DNAH2: variants seen among roughly 807,000 people sequenced by gnomAD.
DNAH2 encodes the protein axonemal beta dynein heavy chain 2.
DNAH2 carries 323 observed loss-of-function variants against 523.5 expected under a neutral mutation model. The observed-to-expected ratio is 0.62, with a 90% CI of 0.56 to 0.68. The LOEUF (loss-of-function observed/expected upper bound fraction) is 0.68, where lower values mean the gene tolerates loss of function less well. DNAH2 is among the 30% of genes least tolerant of loss of function. The pLI, the probability that DNAH2 is intolerant of heterozygous loss-of-function variation, is 0.00. For missense variants in DNAH2, 4,907 were observed against 5,701.5 expected, an observed-to-expected ratio of 0.86 and a Z score of 4.49; for synonymous variants, 2,093 against 2,177.4, an observed-to-expected ratio of 0.96 and a Z score of 1.08.
intron 44 of DNAH2, 110 bp downstream of exon 44, chr17:7,788,354 G>T (rs1239962597): frequency 8.2e-6 from 11 of 1,343,856 alleles, no homozygotes; most frequent in African/African-American, 1.5e-5. Flanking sequence ...AGGCTTGAGT[G>T]GAGCAGAGAC....
At chr17:7,761,095 A>G (rs1301832723) in intron 18 of DNAH2, among the ~76,000 whole-genome samples, 163 bp downstream of exon 18, 1 of 152,122 alleles carries the variant, frequency 6.6e-6, no homozygotes, top group African/African-American at 2.4e-5. Context: ...TTTGCTTCTC[A>G]AGGGGTAGAG....
rs2074640619 is a variant in DNAH2 at position 7,722,304 on chromosome 17, C to T, written c.167-1324C>T. ...ACAGGTATGAGCCATCGTGCCCGGC[C>T]CCCAGTCAGCTTTTTACATTAAATT... On this transcript the variant is annotated intron_variant, in intron 2 of 85. Coordinates refer to ENST00000572933, the MANE Select transcript of DNAH2 (RefSeq NM_020877.5). Among the ~76,000 whole-genome samples, 3 of 152,084 alleles carry T rather than the reference C, an allele frequency of 2.0e-5. No homozygotes were observed. The South Asian group carries it at 6.2e-4, about 32-fold the overall frequency.
intron 20 of DNAH2, among the ~76,000 whole-genome samples, chr17:7,764,648 A>G (rs1245802061): frequency 6.6e-6 from 1 of 151,448 alleles, no homozygotes; most frequent in East Asian, 1.9e-4. Flanking sequence ...TTTTGTAGGG[A>G]TGGGGGTCTC....
chr17:7,778,446 C>A lies in DNAH2; in HGVS notation c.5518C>A (p.Arg1840=), dbSNP rs1355768879. 1.2e-6 allele frequency: 2 copies of A among 1,614,056 alleles called. No individual in the cohort carries two copies. Among genetic ancestry groups the A allele is most frequent in the Middle Eastern group, 1.7e-4 (1 of 6,030 alleles). ...SEGLDYKSMG[R]MYSGLAQTGA... is the part of the protein sequence containing the mutation. The stretch of plus-strand genomic sequence containing the variant: ...GGGCCTGGACTACAAGTCCATGGGC[C>A]GAATGTACTCAGGTCTGGCCCAGGT... Residue 1840 remains arginine, a synonymous_variant, in exon 35 of 86, where the codon CGA becomes AGA. Coordinates refer to ENST00000572933, the MANE Select transcript of DNAH2 (RefSeq NM_020877.5).
chr17:7,754,757 G>A lies in DNAH2; in HGVS notation c.1905-2334G>A. 1.0e-6 allele frequency: 1 copy of A among 995,770 alleles called. No homozygotes were observed. The highest frequency in any genetic ancestry group is 1.3e-5 in the South Asian group (1 of 77,574). 61.7% of individuals were successfully genotyped at this position (995,770 alleles called of 1,614,324 possible). A position where few individuals can be genotyped will look rare whatever the true frequency, so the allele number is the denominator to read the frequency against. Reference sequence around the variant, plus strand: ...TCAGGCTGTGCCGGCCCAAGGCCAAGGCCAAGGATCAAACCAAGGCCCAGG... The same window carrying A: ...TCAGGCTGTGCCGGCCCAAGGCCAAAGCCAAGGATCAAACCAAGGCCCAGG... On this transcript the variant is annotated intron_variant, in intron 12 of 85. Coordinates refer to ENST00000572933, the MANE Select transcript of DNAH2 (RefSeq NM_020877.5). This position sits in a 1 kb window ranked among gnomAD's most constrained non-coding sequence, Gnocchi z 4.6.
At position 7,737,031 on chromosome 17, in the gene DNAH2, T is replaced by G; in HGVS notation, c.979-36T>G. On this transcript the variant is annotated intron_variant, in intron 7 of 85. Transcript: ENST00000572933. ...CTTGTGTTGAATCAGTGCTTTCTAG[T>G]GCATAAATCTATTTCTCATCTCTCT... 3 of 1,564,196 alleles carry G rather than the reference T, an allele frequency of 1.9e-6. No individual in the cohort carries two copies. In the African/African-American group the frequency reaches 4.1e-5, roughly 21 times the overall value.
At chr17:7,757,057 G>T in intron 12 of DNAH2, 34 bp from the exon 13 acceptor site, 2 of 1,612,516 alleles carry the variant, frequency 1.2e-6, no homozygotes, top group Non-Finnish European at 1.7e-6. Context: ...CCCCTCGTGC[G>T]GTCCCCTCAC....
In DNAH2 at chr17:7,799,099, C is replaced by T; in HGVS notation, c.8560-4C>T. 6.2e-7 allele frequency: 1 copy of T among 1,614,048 alleles called. No individual in the cohort carries two copies. Among genetic ancestry groups the T allele is most frequent in the Non-Finnish European group, 8.5e-7 (1 of 1,180,020 alleles). On this transcript the variant is annotated splice_region_variant and splice_polypyrimidine_tract_variant and intron_variant, in intron 55 of 85. Transcript: ENST00000572933. Reference sequence around the variant, plus strand: ...CCCTCTGACCCTGGGTGGCTTCTGTCCAGATCCAGTCGCATATCATAGACC... The same window carrying T: ...CCCTCTGACCCTGGGTGGCTTCTGTTCAGATCCAGTCGCATATCATAGACC...
Position 7,807,279 on chromosome 17 carries a change from T to A in DNAH2, c.9572T>A (p.Leu3191Gln), listed in dbSNP as rs1369019248. 1 of 1,613,862 alleles carries A rather than the reference T, an allele frequency of 6.2e-7. No homozygotes were observed. Among genetic ancestry groups the A allele is most frequent in the East Asian group, 2.2e-5 (1 of 44,884 alleles). ...FQPDIIGRVSLAAKSLCMWVR... is the reference protein window; with the variant it reads ...FQPDIIGRVSQAAKSLCMWVR... ...CCTGATATCATCGGCCGCGTCTCCC[T>A]GGCTGCCAAGTCCCTCTGCATGTGG... Residue 3191 changes from leucine (L) to glutamine (Q), a missense_variant, in exon 62 of 86, where the codon CTG (leucine) becomes CAG (glutamine). Transcript: ENST00000572933. This position sits in a 1 kb window ranked among gnomAD's most constrained non-coding sequence, Gnocchi z 5.6.
rs774774306 is a variant in DNAH2 at position 7,768,194 on chromosome 17, C to G, written c.3868C>G (p.Arg1290Gly). 15 of 1,614,162 alleles carry G rather than the reference C, an allele frequency of 9.3e-6. No individual in the cohort carries two copies. Among genetic ancestry groups the G allele is most frequent in the Non-Finnish European group, 1.2e-5 (14 of 1,180,032 alleles). ...DRNWEIIETTRSKIEQFKRTM... is the reference protein window; with the variant it reads ...DRNWEIIETTGSKIEQFKRTM... ...AAACTGGGAAATTATTGAAACCACT[C>G]GCTCAAAAATAGAGCAGTTCAAGAG... Residue 1290 changes from arginine to glycine, a missense_variant, in exon 24 of 86, where the codon CGC becomes GGC. Physicochemically the swap from Arg to Gly is moderately radical, Grantham distance 125 (BLOSUM62 -2). This residue lies in a region of DNAH2 where 2,806 missense variants were observed against 3,190.8 expected (regional missense o/e 0.88). Coordinates refer to ENST00000572933, the MANE Select transcript of DNAH2 (RefSeq NM_020877.5).
At chr17:7,746,964 G>A (rs1476102608) in intron 12 of DNAH2, among the ~76,000 whole-genome samples, 3 of 150,198 alleles carry the variant, frequency 2.0e-5, no homozygotes, top group Non-Finnish European at 4.4e-5. Context: ...TCCAGCCTGG[G>A]CAACAAGAGT....
chr17:7,808,007 G>A (rs144235368), intron 63 of DNAH2, among the ~76,000 whole-genome samples: 10 of 152,244 alleles, frequency 6.6e-5, no homozygotes, highest in Non-Finnish European at 7.4e-5. Flanking sequence ...GTGTGGGGAC[G>A]GGCTCTCCCA....
intron 18 of DNAH2, among the ~76,000 whole-genome samples, chr17:7,761,370 C>T (rs560216295): frequency 3.9e-5 from 6 of 152,222 alleles, no homozygotes; most frequent in East Asian, 3.9e-4. Context: ...TGGGCTCAAG[C>T]GATCCTCCTG....
At position 7,778,365 on chromosome 17, in the gene DNAH2, G is replaced by A. The variant is rs754083186; in HGVS notation, c.5437G>A (p.Val1813Ile). ...GPAGTGKTETVKDLGKALGIY... is the reference protein window; with the variant it reads ...GPAGTGKTETIKDLGKALGIY... ...TGCAGGCACAGGCAAGACCGAGACCGTCAAGGACCTGGGCAAGGCCCTGGG... is the reference window on the plus strand; with the variant it reads ...TGCAGGCACAGGCAAGACCGAGACCATCAAGGACCTGGGCAAGGCCCTGGG... Residue 1813 changes from valine (V) to isoleucine (I), a missense_variant, in exon 35 of 86, where the codon GTC (valine) becomes ATC (isoleucine). This residue lies in a region of DNAH2 where 2,806 missense variants were observed against 3,190.8 expected (regional missense o/e 0.88). Coordinates refer to ENST00000572933, the MANE Select transcript of DNAH2 (RefSeq NM_020877.5). 1.8e-5 allele frequency: 29 copies of A among 1,614,112 alleles called. No individual in the cohort carries two copies. Among genetic ancestry groups the A allele is most frequent in the African/African-American group, 2.7e-5 (2 of 74,934 alleles).
chr17:7,791,871 T>A, intron 44 of DNAH2, 46 bp from the exon 45 acceptor site: 1 of 1,578,796 alleles, frequency 6.3e-7, no homozygotes, highest in Non-Finnish European at 8.6e-7. Flanking sequence ...GATGGACCCC[T>A]GGTCTCTTAC....
At chr17:7,743,339 A>C in intron 12 of DNAH2, 197 bp downstream of exon 12, 1 of 720,158 alleles carries the variant, frequency 1.4e-6, no homozygotes, top group Non-Finnish European at 2.5e-6. Context: ...TCAACATTTT[A>C]ATTTTACAAC....
intron 63 of DNAH2, among the ~76,000 whole-genome samples, chr17:7,813,550 G>A (rs1256627339): frequency 6.6e-6 from 1 of 152,020 alleles, no homozygotes; most frequent in African/African-American, 2.4e-5. Context: ...GAACTGATTT[G>A]GAAACAAGTA....
chr17:7,796,268 C>T (rs1489935573), intron 49 of DNAH2, among the ~76,000 whole-genome samples, 196 bp from the exon 50 acceptor site: 1 of 151,966 alleles, frequency 6.6e-6, no homozygotes, highest in African/African-American at 2.4e-5. Flanking sequence ...AGGCTGGTCT[C>T]GAACTCCCGA....
At chr17:7,733,539 G>A (rs1457072620) in intron 5 of DNAH2, among the ~76,000 whole-genome samples, 5 of 146,414 alleles carry the variant, frequency 3.4e-5, no homozygotes, top group African/African-American at 1.0e-4. Flanking sequence ...GTGCAATGGC[G>A]CGATCTTGGC....
Sources: gnomAD v4.1 joint callset for allele counts (sites outside exome capture counted in the v4.1 genomes callset) on GRCh38, gnomAD v4.1.1 for gene constraint, gnomAD v4.1.1 regional missense constraint, Gnocchi (gnomAD v3.1) non-coding constraint, MANE v1.5 for transcripts, NCBI Gene and HGNC (gene_info 2026-07-23, HGNC 2026-07-21) for gene names.